ARHGAP6: variants seen among roughly 807,000 people sequenced by gnomAD.
ARHGAP6 encodes the protein rho GTPase-activating protein 6.
ARHGAP6 carries 16 observed loss-of-function variants against 55.7 expected under a neutral mutation model. That is an observed-to-expected ratio of 0.29 (90% CI 0.19 to 0.44). The LOEUF is 0.44. ARHGAP6 is among the 20% of genes least tolerant of loss of function. The pLI is 1.00. For synonymous variants in ARHGAP6, 382 were observed against 360.9 expected, an observed-to-expected ratio of 1.06 and a Z score of -0.66; for missense variants, 698 against 808.9, an observed-to-expected ratio of 0.86 and a Z score of 1.66.
At chrX:11,436,201 T>C (rs1284910239) in intron 1 of ARHGAP6, among the ~76,000 whole-genome samples, 1 of 112,516 alleles carries the variant, frequency 8.9e-6, no homozygotes, top group Non-Finnish European at 1.9e-5. Flanking sequence ...ACTTGTTCCC[T>C]GTTGTTGATG....
At chrX:11,227,082 T>C (rs1334707111) in intron 2 of ARHGAP6, among the ~76,000 whole-genome samples, 1 of 112,154 alleles carries the variant, frequency 8.9e-6, no homozygotes, top group East Asian at 2.8e-4. Flanking sequence ...GACATGCTCA[T>C]ATGTCACTCC....
chrX:11,235,998 A>G (rs962767305), intron 2 of ARHGAP6, among the ~76,000 whole-genome samples: 2 of 111,513 alleles, frequency 1.8e-5, no homozygotes, highest in Non-Finnish European at 3.8e-5. Context: ...TTTGCCTATT[A>G]CTCAGTTCCA....
At chrX:11,307,812 C>T (rs1220665484) in intron 1 of ARHGAP6, among the ~76,000 whole-genome samples, 2 of 111,367 alleles carry the variant, frequency 1.8e-5, no homozygotes, top group African/African-American at 3.3e-5. Flanking sequence ...AAAATGTTCC[C>T]GATAAACAGT....
chrX:11,358,429 G>C (rs1326141365), intron 1 of ARHGAP6, among the ~76,000 whole-genome samples: 1 of 85,469 alleles, frequency 1.2e-5, no homozygotes, highest in African/African-American at 4.4e-5. Context: ...CGTTTTAACT[G>C]TATCTTTCTT....
intron 1 of ARHGAP6, among the ~76,000 whole-genome samples, chrX:11,542,410 G>A (rs2051167576): frequency 9.0e-6 from 1 of 110,941 alleles, no homozygotes; most frequent in Non-Finnish European, 1.9e-5. Context: ...GGTGGCAGAG[G>A]TTGGCAGTGA....
At chrX:11,427,772 G>A (rs957872926) in intron 1 of ARHGAP6, 11 of 765,222 alleles carry the variant, frequency 1.4e-5, no homozygotes, top group African/African-American at 2.3e-5. Context: ...CTGCGGAGCC[G>A]GTGGGGACCT....
Position 11,283,803 on chromosome X carries a change from A to G in ARHGAP6, c.589-29096T>C, listed in dbSNP as rs58574681. Among the ~76,000 whole-genome samples the G allele has an allele frequency of 5.6e-3, 624 of 111,532 alleles. 5 individuals carry two copies. Among genetic ancestry groups the G allele is most frequent in the African/African-American group, 0.019 (592 of 30,652 alleles). On this transcript the variant is annotated intron_variant, in intron 1 of 12. Transcript: ENST00000337414. ...CCTCTAGAAAATGGAAAAGTCAAGA[A>G]AAATGATTCTCCCCTACAGTCACCA...
At chrX:11,606,214 C>A (rs1241138313) in intron 1 of ARHGAP6, among the ~76,000 whole-genome samples, 1 of 111,719 alleles carries the variant, frequency 9.0e-6, no homozygotes, top group East Asian at 2.8e-4. Flanking sequence ...ATGTGACACC[C>A]ACTTGGACTG....
intron 1 of ARHGAP6, among the ~76,000 whole-genome samples, chrX:11,560,196 C>T (rs2051370937): frequency 1.8e-5 from 2 of 111,382 alleles, no homozygotes; most frequent in Admixed American, 1.9e-4. Flanking sequence ...TGTTCATTAT[C>T]ATGAGTTCTA....
At chrX:11,148,955 C>A (rs2045736524) in intron 10 of ARHGAP6, among the ~76,000 whole-genome samples, 1 of 112,374 alleles carries the variant, frequency 8.9e-6, no homozygotes, top group Admixed American at 9.4e-5. Context: ...GCTTTGGAAT[C>A]ATGAAGAATG....
chrX:11,188,487 G>C (rs945866815), intron 4 of ARHGAP6, among the ~76,000 whole-genome samples: 10 of 111,893 alleles, frequency 8.9e-5, no homozygotes, highest in Non-Finnish European at 1.7e-4. Context: ...ATGTTTAGGA[G>C]AGCATGGAGC....
At chrX:11,510,566 G>A (rs1302924753) in intron 1 of ARHGAP6, among the ~76,000 whole-genome samples, 1 of 111,165 alleles carries the variant, frequency 9.0e-6, no homozygotes, top group African/African-American at 3.3e-5. Context: ...GAATACACAA[G>A]GATAAAAGTT....
At chrX:11,206,542 C>T (rs1391528708) in intron 2 of ARHGAP6, among the ~76,000 whole-genome samples, 1 of 112,134 alleles carries the variant, frequency 8.9e-6, no homozygotes, top group Non-Finnish European at 1.9e-5. Flanking sequence ...GATCTGCCAA[C>T]ATTCAGCTTG....
intron 1 of ARHGAP6, among the ~76,000 whole-genome samples, chrX:11,389,487 C>CTAAA (rs1480544907): frequency 8.9e-6 from 1 of 112,265 alleles, no homozygotes; most frequent in Non-Finnish European, 1.9e-5. Flanking sequence ...AGTGAAGTTG[C>CTAAA]TAAAGCAAAA....
chrX:11,490,762 C>T (rs1447715650), intron 1 of ARHGAP6, among the ~76,000 whole-genome samples: 1 of 112,060 alleles, frequency 8.9e-6, no homozygotes, highest in Non-Finnish European at 1.9e-5. Flanking sequence ...CAGCTTTATA[C>T]ATTTTCTTGT....
chrX:11,619,961 A>AC (rs1448503858), intron 1 of ARHGAP6, among the ~76,000 whole-genome samples: 2 of 112,129 alleles, frequency 1.8e-5, no homozygotes, highest in East Asian at 5.6e-4. Flanking sequence ...CCTCTGTATT[A>AC]TAACTAACTA....
At chrX:11,281,912 TC>T (rs1407524913) in intron 1 of ARHGAP6, among the ~76,000 whole-genome samples, 1 of 112,298 alleles carries the variant, frequency 8.9e-6, no homozygotes, top group Non-Finnish European at 1.9e-5. Context: ...GATTAGGGTT[TC>T]TGATAGATGA....
chrX:11,233,942 GT>G (rs1003575333), intron 2 of ARHGAP6, among the ~76,000 whole-genome samples: 10 of 112,447 alleles, frequency 8.9e-5, no homozygotes, highest in Admixed American at 8.5e-4. Context: ...GGAAATTGCA[GT>G]CCTTAGGGGG....
intron 2 of ARHGAP6, among the ~76,000 whole-genome samples, chrX:11,249,556 C>A (rs1174417232): frequency 3.6e-5 from 4 of 111,230 alleles, no homozygotes; most frequent in Non-Finnish European, 7.6e-5. Context: ...ACTTTTGGAG[C>A]CATGCCACTC....
Sources: allele counts gnomAD v4.1 joint callset (sites outside exome capture counted in the v4.1 genomes callset), GRCh38; gene constraint gnomAD v4.1.1; transcripts MANE v1.5; gene names NCBI Gene and HGNC (gene_info 2026-07-23, HGNC 2026-07-21).